Variants in GRID2 observed in about 807,000 individuals in gnomAD.
The protein encoded by GRID2 is glutamate ionotropic receptor delta type subunit 2, also known as glutamate receptor ionotropic, delta-2.
Under a neutral mutation model 114.8 loss-of-function variants are expected in GRID2, and 33 were observed. The ratio of observed to expected loss-of-function variants is 0.29; its 90% CI spans 0.22 to 0.38. GRID2 has a LOEUF of 0.38. GRID2 is among the 10% of genes least tolerant of loss of function. The pLI, the probability that GRID2 is intolerant of heterozygous loss-of-function variation, is 1.00. For synonymous variants in GRID2, 505 were observed against 449.9 expected (o/e 1.12, Z -1.55); for missense variants, 1,184 against 1,257.7 (o/e 0.94, Z 0.89).
chr4:93,303,031 C>A (rs1029022893), intron 8 of GRID2, among the ~76,000 whole-genome samples: 1 of 152,136 alleles, frequency 6.6e-6, no homozygotes, highest in South Asian at 2.1e-4. Flanking sequence ...AGGACACTTA[C>A]ATCATGGAGG....
chr4:93,753,433 T>G lies in GRID2; in HGVS notation c.2361-15777T>G, dbSNP rs938911637. Among the ~76,000 whole-genome samples, 18 of 152,302 alleles carry G rather than the reference T, an allele frequency of 1.2e-4. No individual in the cohort carries two copies. The South Asian group carries it at 3.7e-3, about 32-fold the overall frequency. On this transcript the variant is annotated intron_variant, in intron 14 of 15. Coordinates refer to ENST00000282020, the MANE Select transcript of GRID2 (RefSeq NM_001510.4). ...TATTTATACATGTGCCATGTTGGTG[T>G]GCTGCACCCATTAACTCGTCATTTG...
At chr4:93,702,280 T>C (rs1487248245) in intron 14 of GRID2, among the ~76,000 whole-genome samples, 1 of 152,170 alleles carries the variant, frequency 6.6e-6, no homozygotes, top group Non-Finnish European at 1.5e-5. Context: ...GTAAAACAAA[T>C]AATTGTTTTG....
chr4:92,420,996 G>GT (rs1214133822), intron 1 of GRID2, among the ~76,000 whole-genome samples: 2 of 151,822 alleles, frequency 1.3e-5, no homozygotes, highest in Non-Finnish European at 1.5e-5. Flanking sequence ...TCACACTGAA[G>GT]TTTTTTTTAA....
At chr4:93,001,641 G>C (rs957430147) in intron 2 of GRID2, among the ~76,000 whole-genome samples, 14 of 151,656 alleles carry the variant, frequency 9.2e-5, no homozygotes, top group Middle Eastern at 3.2e-3. Flanking sequence ...TATTTGTATT[G>C]AAACATTTAA....
At chr4:93,501,845 A>G (rs1029468848) in intron 12 of GRID2, among the ~76,000 whole-genome samples, 2 of 151,974 alleles carry the variant, frequency 1.3e-5, no homozygotes, top group African/African-American at 4.8e-5. Context: ...GACAAATCAA[A>G]TCCTTCTCTT....
chr4:93,042,281 C>CTCTCTCTCTCTCTCTCTT (rs1725615344), intron 2 of GRID2, among the ~76,000 whole-genome samples: 1 of 64,936 alleles, frequency 1.5e-5, no homozygotes, highest in Non-Finnish European at 3.1e-5. Context: ...CTCTTTCTCT[C>CTCTCTCTCTCTCTCTCTT]TCTCTCTCTC....
chr4:92,611,617 A>C (rs2149229262), intron 2 of GRID2, among the ~76,000 whole-genome samples: 1 of 151,708 alleles, frequency 6.6e-6, no homozygotes, highest in South Asian at 2.1e-4. Flanking sequence ...ATGATACATT[A>C]ATGTTTACCT....
intron 2 of GRID2, among the ~76,000 whole-genome samples, chr4:92,846,647 C>G (rs1258374583): frequency 6.6e-6 from 1 of 152,170 alleles, no homozygotes; most frequent in South Asian, 2.1e-4. Context: ...TCTAATCCAC[C>G]TGCATTCCCA....
intron 1 of GRID2, among the ~76,000 whole-genome samples, chr4:93,804,644 G>C (rs1471685004): frequency 3.3e-5 from 5 of 152,172 alleles, no homozygotes; most frequent in Non-Finnish European, 7.3e-5. Context: ...GTAACATTCT[G>C]TTCTTGGGTA....
chr4:92,531,108 TAA>T (rs544339478), intron 1 of GRID2, among the ~76,000 whole-genome samples: 4 of 152,032 alleles, frequency 2.6e-5, no homozygotes, highest in African/African-American at 9.6e-5. Context: ...AAAAATAAAA[TAA>T]AAAAACTTTG....
intron 1 of GRID2, among the ~76,000 whole-genome samples, chr4:92,339,615 C>A (rs1289206500): frequency 1.3e-5 from 2 of 152,112 alleles, no homozygotes; most frequent in Admixed American, 6.5e-5. Context: ...AATTAATTAG[C>A]TCAAGGTCAC....
rs193266210 is a variant in GRID2, at chr4:93,067,316, C to T, written c.245-17679C>T. Among the ~76,000 whole-genome samples, 3 of 151,992 alleles carry T rather than the reference C, an allele frequency of 2.0e-5. No homozygotes were observed. The East Asian group carries it at 5.8e-4, about 29-fold the overall frequency. On this transcript the variant is annotated intron_variant, in intron 2 of 15. Coordinates refer to ENST00000282020, the MANE Select transcript of GRID2 (RefSeq NM_001510.4). ...AATTCAGGCAGCTCTAATAAAATAC[C>T]TTTGATTGTGTAATTTATAAACAAA...
chr4:92,999,196 T>A (rs1323494382), intron 2 of GRID2, among the ~76,000 whole-genome samples: 1 of 151,928 alleles, frequency 6.6e-6, no homozygotes, highest in Non-Finnish European at 1.5e-5. Flanking sequence ...TGTCAAAATT[T>A]GCATGCGTTA....
intron 2 of GRID2, among the ~76,000 whole-genome samples, chr4:92,817,092 C>A (rs1381381529): frequency 1.3e-5 from 2 of 152,094 alleles, no homozygotes; most frequent in African/African-American, 4.8e-5. Flanking sequence ...ACCATTAACC[C>A]TACACTACTC....
chr4:93,686,881 G>C (rs1399412305), intron 14 of GRID2, among the ~76,000 whole-genome samples: 1 of 151,970 alleles, frequency 6.6e-6, no homozygotes, highest in Non-Finnish European at 1.5e-5. Flanking sequence ...AGCTCTGGAG[G>C]CCACTATAAG....
chr4:92,804,726 A>G (rs1367064959), intron 2 of GRID2, among the ~76,000 whole-genome samples: 2 of 152,028 alleles, frequency 1.3e-5, no homozygotes, highest in Non-Finnish European at 1.5e-5. Flanking sequence ...TAATTCACCA[A>G]GATTGCTTTG....
intron 2 of GRID2, among the ~76,000 whole-genome samples, chr4:92,753,889 G>C (rs960176780): frequency 6.6e-6 from 1 of 151,998 alleles, no homozygotes; most frequent in Non-Finnish European, 1.5e-5. Flanking sequence ...TTTAAAAGGA[G>C]GGTTTTTCCA....
At chr4:92,512,162 T>A (rs1416839331) in intron 1 of GRID2, among the ~76,000 whole-genome samples, 1 of 151,926 alleles carries the variant, frequency 6.6e-6, no homozygotes, top group Non-Finnish European at 1.5e-5. Context: ...CTTAGCATAG[T>A]ATCTTCAAGG....
At chr4:92,736,077 T>C (rs1330114325) in intron 2 of GRID2, among the ~76,000 whole-genome samples, 1 of 152,032 alleles carries the variant, frequency 6.6e-6, no homozygotes, top group Admixed American at 6.6e-5. Context: ...TATAATCAAA[T>C]TAAGGATATC....
Sources: gnomAD v4.1 joint callset for allele counts (sites outside exome capture counted in the v4.1 genomes callset) on GRCh38, gnomAD v4.1.1 for gene constraint, MANE v1.5 for transcripts, NCBI Gene and HGNC (gene_info 2026-07-23, HGNC 2026-07-21) for gene names.